PFKFB3: variants seen among roughly 807,000 people sequenced by gnomAD.
PFKFB3 encodes the protein 6-phosphofructo-2-kinase/fructose-2,6-bisphosphatase 3.
Under a neutral mutation model 68.0 loss-of-function variants are expected in PFKFB3, and 33 were observed. That is an observed-to-expected ratio of 0.49 (90% CI 0.37 to 0.65). The LOEUF (loss-of-function observed/expected upper bound fraction) is 0.65, where lower values mean the gene tolerates loss of function less well. PFKFB3 is among the 30% of genes least tolerant of loss of function. The probability of loss-of-function intolerance (pLI) is 0.00; values close to 1 mark genes in which losing one functional copy is unlikely to be tolerated. For missense variants in PFKFB3, 586 were observed against 712.2 expected, an observed-to-expected ratio of 0.82 and a Z score of 2.02; for synonymous variants, 315 against 288.2, an observed-to-expected ratio of 1.09 and a Z score of -0.94.
intron 1 of PFKFB3, among the ~76,000 whole-genome samples, chr10:6,195,861 AGATGGT>A (rs1316881739): frequency 6.6e-6 from 1 of 152,222 alleles, no homozygotes; most frequent in African/African-American, 2.4e-5. Flanking sequence ...TTCTCATGGC[AGATGGT>A]GATCTCCTTT....
chr10:6,224,756 G>C (rs1845214748), intron 13 of PFKFB3: 3 of 321,854 alleles, frequency 9.3e-6, no homozygotes, highest in Non-Finnish European at 1.2e-5. Context: ...CAAAGTGCTA[G>C]GATAAAGGTG....
At chr10:6,145,597 A>G (rs1841360890) in intron 1 of PFKFB3, among the ~76,000 whole-genome samples, 1 of 152,096 alleles carries the variant, frequency 6.6e-6, no homozygotes, top group South Asian at 2.1e-4. Flanking sequence ...GGAGGTGGGC[A>G]GCTCTGGCCT....
chr10:6,146,340 G>C lies in PFKFB3; in HGVS notation c.16+1327G>C. 5 of 1,530,490 alleles carry C rather than the reference G, an allele frequency of 3.3e-6. No homozygotes were observed. In the South Asian group the frequency reaches 6.0e-5, roughly 18 times the overall value. 94.8% of individuals were successfully genotyped at this position (1,530,490 alleles called of 1,614,324 possible). On this transcript the variant is annotated intron_variant, in intron 1 of 14. Transcript: ENST00000379789. ...CAGCGTGGGCTCCTGGCGGTGAAGG[G>C]GGTGGCTGCTGACTCTCCTGTCCCG...
chr10:6,147,140 A>G (rs889049462), intron 1 of PFKFB3, among the ~76,000 whole-genome samples: 2 of 152,142 alleles, frequency 1.3e-5, no homozygotes, highest in Non-Finnish European at 1.5e-5. Context: ...CCGTGGTCTG[A>G]AGCTGCCTGG....
downstream of PFKFB3, among the ~76,000 whole-genome samples, chr10:6,240,027 C>T (rs1443621694): frequency 1.3e-5 from 2 of 152,242 alleles, no homozygotes; most frequent in East Asian, 3.9e-4. Context: ...GGAATGTTTT[C>T]GGATCCCCAA....
chr10:6,158,645 C>A (rs547255687), intron 1 of PFKFB3, among the ~76,000 whole-genome samples: 3 of 152,116 alleles, frequency 2.0e-5, no homozygotes, highest in African/African-American at 7.2e-5. Context: ...GCAGGCGGAT[C>A]ACCTGAGGTC....
intron 1 of PFKFB3, among the ~76,000 whole-genome samples, chr10:6,164,905 A>G (rs1313527536): frequency 6.6e-6 from 1 of 152,074 alleles, no homozygotes; most frequent in Non-Finnish European, 1.5e-5. Context: ...CTATCTCAGA[A>G]TAGAACGAAT....
chr10:6,210,346 G>GTTTTTTTT (rs1225843582), intron 1 of PFKFB3, among the ~76,000 whole-genome samples: 1 of 32,790 alleles, frequency 3.0e-5, no homozygotes, highest in Admixed American at 4.5e-4. Flanking sequence ...GTTTTTTTTT[G>GTTTTTTTT]TTTTTTTTTG....
chr10:6,170,713 G>A (rs74520519), intron 1 of PFKFB3, among the ~76,000 whole-genome samples: 1,646 of 151,900 alleles, frequency 0.011, 70 homozygotes, highest in East Asian at 0.1. Flanking sequence ...GGGTATGGAG[G>A]TGGAGACAAT....
At chr10:6,189,048 C>T (rs977838343) in intron 1 of PFKFB3, among the ~76,000 whole-genome samples, 10 of 152,158 alleles carry the variant, frequency 6.6e-5, no homozygotes, top group East Asian at 1.9e-4. Context: ...ACTGTGTTAG[C>T]CAGGATGGTC....
chr10:6,294,573 T>G, the PFKFB3 span: 1 of 168,062 alleles, frequency 6.0e-6, no homozygotes, highest in African/African-American at 2.4e-5. Context: ...ACATGGGAAT[T>G]ACGGGAGCTA....
chr10:6,228,584 C>T lies in PFKFB3; in HGVS notation c.1515+2219C>T, dbSNP rs1845514605. On this transcript the variant is annotated intron_variant, in intron 14 of 14. Coordinates refer to ENST00000379775, the MANE Select transcript of PFKFB3 (RefSeq NM_004566.4). The surrounding 1 kb of genome is among the most constrained non-coding windows in gnomAD (Gnocchi z 4.5). ...ATCTTGGTGGCGAGCTGCATCTGTGCCAGGTGCCATTAGCCTTAAAGCCCC... is the reference window on the plus strand; with the variant it reads ...ATCTTGGTGGCGAGCTGCATCTGTGTCAGGTGCCATTAGCCTTAAAGCCCC... Among the ~76,000 whole-genome samples the T allele has an allele frequency of 6.6e-6, 1 of 152,110 alleles. No homozygotes were observed. Among genetic ancestry groups the T allele is most frequent in the African/African-American group, 2.4e-5 (1 of 41,416 alleles).
At chr10:6,311,772 A>C in the PFKFB3 span, among the ~76,000 whole-genome samples, 1 of 152,168 alleles carries the variant, frequency 6.6e-6, no homozygotes, top group Non-Finnish European at 1.5e-5. Flanking sequence ...AAAGAAAAAA[A>C]GAAAATGCTT....
intron 13 of PFKFB3, chr10:6,225,217 C>T (rs189929896): frequency 5.5e-5 from 25 of 456,236 alleles, no homozygotes; most frequent in Admixed American, 2.3e-4. Context: ...TTAGACCGAG[C>T]GTGACTTTCT....
the PFKFB3 span, among the ~76,000 whole-genome samples, chr10:6,262,320 G>A: frequency 1.3e-5 from 2 of 151,128 alleles, no homozygotes; most frequent in Non-Finnish European, 1.5e-5. Context: ...CGGGTGGGGT[G>A]GGGGGTGCCT....
chr10:6,226,398 G>T, intron 14 of PFKFB3, 33 bp downstream of exon 14: 1 of 1,571,476 alleles, frequency 6.4e-7, no homozygotes, highest in Non-Finnish European at 8.6e-7. Flanking sequence ...CCTGCCTGGG[G>T]GACGCATGCC....
At chr10:6,177,604 C>T (rs1309079120) in intron 1 of PFKFB3, among the ~76,000 whole-genome samples, 1 of 150,252 alleles carries the variant, frequency 6.7e-6, no homozygotes. Flanking sequence ...CGGCTCACTA[C>T]AACCTCTGCC....
chr10:6,282,055 G>A, the PFKFB3 span, among the ~76,000 whole-genome samples: 13 of 151,298 alleles, frequency 8.6e-5, no homozygotes, highest in African/African-American at 2.9e-4. Context: ...CTACAGGTTC[G>A]AACTCCTGGG....
chr10:6,320,968 C>T, the PFKFB3 span, among the ~76,000 whole-genome samples: 1 of 152,150 alleles, frequency 6.6e-6, no homozygotes, highest in Non-Finnish European at 1.5e-5. Flanking sequence ...GGTTCTGTGT[C>T]CATTTCTGAA....
Sources: gnomAD v4.1 joint callset for allele counts (sites outside exome capture counted in the v4.1 genomes callset) on GRCh38, gnomAD v4.1.1 for gene constraint, Gnocchi (gnomAD v3.1) non-coding constraint, MANE v1.5 for transcripts, NCBI Gene and HGNC (gene_info 2026-07-23, HGNC 2026-07-21) for gene names.